Variants in PLEKHG1 observed in about 807,000 individuals in gnomAD.
The protein encoded by PLEKHG1 is pleckstrin homology and RhoGEF domain containing G1, also known as pleckstrin homology domain-containing family G member 1.
A neutral mutation model predicts 100.8 loss-of-function variants in PLEKHG1; 44 were observed. The observed-to-expected ratio is 0.44, with a 90% CI of 0.34 to 0.56. PLEKHG1 has a LOEUF of 0.56. Among genes scored for constraint, PLEKHG1 ranks in the 20% least tolerant of loss-of-function variants. The pLI, the probability that PLEKHG1 is intolerant of heterozygous loss-of-function variation, is 0.01. For synonymous variants in PLEKHG1, 640 were observed against 662.5 expected, an observed-to-expected ratio of 0.97 and a Z score of 0.52; for missense variants, 1,545 against 1,720.9, an observed-to-expected ratio of 0.90 and a Z score of 1.81.
At chr6:150,807,198 C>G (rs1787172309) in intron 7 of PLEKHG1, among the ~76,000 whole-genome samples, 1 of 152,110 alleles carries the variant, frequency 6.6e-6, no homozygotes, top group African/African-American at 2.4e-5. Flanking sequence ...ATAAATTAAA[C>G]TTTATCATAG....
chr6:150,603,503 A>G (rs1268241828), intron 1 of PLEKHG1, among the ~76,000 whole-genome samples: 1 of 152,164 alleles, frequency 6.6e-6, no homozygotes, highest in Non-Finnish European at 1.5e-5. Flanking sequence ...TCACCTAGCG[A>G]TGGGGCCCAG....
exon 16 of PLEKHG1, chr6:150,842,709 G>C (rs1777578943): frequency 6.6e-6 from 1 of 152,014 alleles, no homozygotes; most frequent in African/African-American, 2.4e-5. Context: ...TTTTTGTTTG[G>C]TTGGTTTTTT....
intron 1 of PLEKHG1, among the ~76,000 whole-genome samples, chr6:150,618,090 T>C (rs906389076): frequency 6.6e-6 from 1 of 152,268 alleles, no homozygotes; most frequent in African/African-American, 2.4e-5. Context: ...TAGTAATTTA[T>C]ATTGATTCTC....
At chr6:150,837,423 CTG>C in intron 15 of PLEKHG1, among the ~76,000 whole-genome samples, 2 of 152,318 alleles carry the variant, frequency 1.3e-5, no homozygotes, top group Middle Eastern at 6.8e-3. Flanking sequence ...ATGGGAAATA[CTG>C]TGGATATTTT....
At chr6:150,732,125 C>T (rs1782295234) in intron 1 of PLEKHG1, among the ~76,000 whole-genome samples, 1 of 152,028 alleles carries the variant, frequency 6.6e-6, no homozygotes, top group South Asian at 2.1e-4. Context: ...CCACGCCTAG[C>T]TAATTTTTTT....
At chr6:150,695,274 AT>A (rs1780500044) in intron 3 of PLEKHG1, among the ~76,000 whole-genome samples, 2 of 152,260 alleles carry the variant, frequency 1.3e-5, no homozygotes, top group South Asian at 2.1e-4. Context: ...TGCAAATACA[AT>A]TTTTCATATT....
At chr6:150,648,063 T>A (rs1288875833) in intron 2 of PLEKHG1, among the ~76,000 whole-genome samples, 3 of 152,136 alleles carry the variant, frequency 2.0e-5, no homozygotes, top group Admixed American at 2.0e-4. Context: ...GTCTTCTATA[T>A]AGATTCTTTA....
At chr6:150,672,521 T>C (rs1057174132) in intron 3 of PLEKHG1, among the ~76,000 whole-genome samples, 2 of 152,250 alleles carry the variant, frequency 1.3e-5, no homozygotes, top group Admixed American at 6.5e-5. Context: ...ATTTCATTAG[T>C]TGCTCATTCT....
intron 3 of PLEKHG1, among the ~76,000 whole-genome samples, chr6:150,697,420 A>G (rs1300846204): frequency 6.6e-6 from 1 of 152,226 alleles, no homozygotes; most frequent in Non-Finnish European, 1.5e-5. Context: ...GTGGAGCTTA[A>G]GGCACTAGCC....
chr6:150,774,209 A>G (rs1784837771), intron 3 of PLEKHG1, among the ~76,000 whole-genome samples: 1 of 152,168 alleles, frequency 6.6e-6, no homozygotes, highest in Non-Finnish European at 1.5e-5. Context: ...TGCTTTGGGT[A>G]AGTCTTCCTA....
chr6:150,827,904 G>T, intron 14 of PLEKHG1: 1 of 1,558,346 alleles, frequency 6.4e-7, no homozygotes, highest in South Asian at 1.1e-5. Context: ...GAGACTGGCT[G>T]AGTGGAAAGC....
At chr6:150,785,439 T>G (rs1027757899) in intron 3 of PLEKHG1, among the ~76,000 whole-genome samples, 13 of 152,220 alleles carry the variant, frequency 8.5e-5, no homozygotes, top group African/African-American at 2.9e-4. Flanking sequence ...CAATTCCATA[T>G]GTAGAATTTT....
rs58356927 is a variant in PLEKHG1 at position 150,689,855 on chromosome 6, CAAAAAAA to C, written c.-99+39080_-99+39086del. Among the ~76,000 whole-genome samples the C allele has an allele frequency of 5.1e-4, 43 of 84,704 alleles. No homozygotes were observed. The South Asian group carries it at 0.012, about 23-fold the overall frequency. The allele number at this position is 84,704 out of a possible 152,430, so 55.6% of individuals were successfully genotyped here. On this transcript the variant is annotated intron_variant, in intron 3 of 3. Transcript: ENST00000367326. ...GGGCAACAAGAGCGAAACTCTGTCT[CAAAAAAA>C]AAAAAAAAAAGAAAAACAGAAGAAG...
At chr6:150,826,210 C>T (rs2128683445) in intron 14 of PLEKHG1, among the ~76,000 whole-genome samples, 1 of 152,038 alleles carries the variant, frequency 6.6e-6, no homozygotes, top group Admixed American at 6.5e-5. Flanking sequence ...GTAATCCCGG[C>T]ACTTTGGGAG....
chr6:150,660,349 A>G, intron 3 of PLEKHG1, among the ~76,000 whole-genome samples: 1 of 152,136 alleles, frequency 6.6e-6, no homozygotes. Context: ...AACATGTTTT[A>G]TTTTCTTAGA....
intron 3 of PLEKHG1, among the ~76,000 whole-genome samples, chr6:150,707,002 T>TC (rs1442392364): frequency 1.4e-4 from 18 of 128,316 alleles, no homozygotes; most frequent in Non-Finnish European, 2.4e-4. Flanking sequence ...CTTTTTCTTT[T>TC]TTTTTTTTTT....
At chr6:150,615,947 C>T (rs1217853485) in intron 1 of PLEKHG1, among the ~76,000 whole-genome samples, 1 of 152,214 alleles carries the variant, frequency 6.6e-6, no homozygotes, top group Non-Finnish European at 1.5e-5. Flanking sequence ...TTACTAATTT[C>T]ATGCTCACAA....
chr6:150,621,549 A>G (rs1417740027), intron 1 of PLEKHG1, among the ~76,000 whole-genome samples: 2 of 151,876 alleles, frequency 1.3e-5, no homozygotes, highest in African/African-American at 4.8e-5. Context: ...TAATTTTTCT[A>G]TTTTTAGTAG....
Position 150,681,664 on chromosome 6 carries a change from C to G in PLEKHG1, c.-99+30878C>G, listed in dbSNP as rs77912261. Among the ~76,000 whole-genome samples the G allele has an allele frequency of 8.6e-3, 1,312 of 152,136 alleles. 24 individuals are homozygous for G. Among genetic ancestry groups the G allele is most frequent in the African/African-American group, 0.03 (1,245 of 41,492 alleles). ...TTAGAAAACCTTTTTTCCCCATCCC[C>G]TGGAGTAGTCAGCTTTGCACAGCTA... is the stretch of plus-strand genomic sequence containing the variant. On this transcript the variant is annotated intron_variant, in intron 3 of 3. Coordinates refer to the PLEKHG1 transcript ENST00000367326.
Sources: allele counts gnomAD v4.1 joint callset (sites outside exome capture counted in the v4.1 genomes callset), GRCh38; gene constraint gnomAD v4.1.1; transcripts MANE v1.5; gene names NCBI Gene and HGNC (gene_info 2026-07-23, HGNC 2026-07-21).